The following COG5 variants were observed in gnomAD, a reference collection of about 807,000 sequenced individuals.
COG5 encodes the protein conserved oligomeric Golgi complex subunit 5.
COG5 carries 86 observed loss-of-function variants against 110.4 expected under a neutral mutation model. The ratio of observed to expected loss-of-function variants is 0.78; its 90% CI spans 0.65 to 0.93. The LOEUF (loss-of-function observed/expected upper bound fraction) is 0.93. COG5 is among the 40% of genes least tolerant of loss of function. The pLI is 0.00. For missense variants in COG5, 1,077 were observed against 987.0 expected (o/e 1.09, Z -1.22); for synonymous variants, 360 against 334.6 (o/e 1.08, Z -0.83).
At chr7:107,244,492 AAC>A (rs1801896125) in intron 17 of COG5, among the ~76,000 whole-genome samples, 2 of 152,218 alleles carry the variant, frequency 1.3e-5, no homozygotes, top group Admixed American at 1.3e-4. Context: ...AACTGAGGAA[AAC>A]AGAGACATGA....
chr7:107,447,554 GTA>G (rs1204131933), intron 6 of COG5, among the ~76,000 whole-genome samples: 2 of 152,158 alleles, frequency 1.3e-5, no homozygotes, highest in African/African-American at 4.8e-5. Context: ...AAGGTGTTCA[GTA>G]TATCACATAT....
chr7:107,422,416 A>G (rs1234656884), intron 6 of COG5, among the ~76,000 whole-genome samples: 2 of 152,132 alleles, frequency 1.3e-5, no homozygotes, highest in Non-Finnish European at 2.9e-5. Context: ...AATCCCAGCT[A>G]CTTGGGAGGC....
chr7:107,463,590 T>C (rs980303638), intron 6 of COG5, among the ~76,000 whole-genome samples: 1 of 152,206 alleles, frequency 6.6e-6, no homozygotes, highest in African/African-American at 2.4e-5. Flanking sequence ...AATAGTACAC[T>C]GAATAGGCCC....
intron 6 of COG5, among the ~76,000 whole-genome samples, chr7:107,525,274 A>C (rs1800650062): frequency 6.6e-6 from 1 of 151,920 alleles, no homozygotes; most frequent in Admixed American, 6.6e-5. Context: ...TTTGTATTAC[A>C]GAATCTGTCA....
rs530072276 is a variant in COG5 at position 107,563,867 on chromosome 7, T to C, written c.30A>G (p.Val10=). The change falls in exon 1 of 22, where the codon GTA becomes GTG. Residue 10 remains valine (V), a synonymous_variant. Coordinates refer to ENST00000297135, the MANE Select transcript of COG5 (RefSeq NM_006348.5). ...CAGAGCCTCGAGCTCCGAGGCCAGC[T>C]ACAGCGACGCTGCCGCCGCCACCTT... The part of the protein sequence containing the change: MEGGGGSVA[V]AGLGARGSGA... The C allele has an allele frequency of 3.7e-6, 6 of 1,613,626 alleles. No homozygotes were observed. The Admixed American group carries it at 8.3e-5, about 22-fold the overall frequency.
intron 10 of COG5, among the ~76,000 whole-genome samples, chr7:107,354,494 T>TG (rs1349075982): frequency 6.8e-4 from 104 of 152,270 alleles, no homozygotes; most frequent in Non-Finnish European, 1.4e-3. Context: ...CCTACCCATA[T>TG]GGTGAAACTC....
chr7:107,291,043 T>C (rs370193104), intron 12 of COG5, among the ~76,000 whole-genome samples: 2 of 152,326 alleles, frequency 1.3e-5, no homozygotes, highest in South Asian at 4.1e-4. Flanking sequence ...GTGGGTCTTT[T>C]TGCATTAATC....
intron 14 of COG5, among the ~76,000 whole-genome samples, chr7:107,267,611 T>C (rs1177974523): frequency 6.6e-6 from 1 of 152,204 alleles, no homozygotes; most frequent in Non-Finnish European, 1.5e-5. Context: ...GCTTCTTTGA[T>C]TTATAGTAAT....
chr7:107,319,070 T>C (rs972502842), intron 11 of COG5, among the ~76,000 whole-genome samples: 2 of 152,098 alleles, frequency 1.3e-5, no homozygotes, highest in South Asian at 4.1e-4. Flanking sequence ...CTGAATTATG[T>C]CTATGGCTGT....
At chr7:107,361,657 T>C (rs1209003138) in intron 10 of COG5, among the ~76,000 whole-genome samples, 2 of 151,760 alleles carry the variant, frequency 1.3e-5, no homozygotes, top group African/African-American at 4.8e-5. Flanking sequence ...TGCCTCCTGG[T>C]TTGAAGCAAT....
intron 11 of COG5, among the ~76,000 whole-genome samples, chr7:107,321,640 T>G (rs1015938764): frequency 6.6e-6 from 1 of 152,160 alleles, no homozygotes; most frequent in Non-Finnish European, 1.5e-5. Context: ...CAAATGATTT[T>G]CAACAAAAGT....
intron 17 of COG5, among the ~76,000 whole-genome samples, chr7:107,241,782 T>G (rs1226413118): frequency 6.6e-6 from 1 of 152,020 alleles, no homozygotes; most frequent in Non-Finnish European, 1.5e-5. Context: ...AAATAGAGAC[T>G]GATCTTTCCT....
At chr7:107,547,937 T>C in intron 5 of COG5, 174 bp downstream of exon 5, 1 of 625,654 alleles carries the variant, frequency 1.6e-6, no homozygotes, top group Non-Finnish European at 2.8e-6. Flanking sequence ...GAATTTGCTT[T>C]AGATTTGTAT....
intron 8 of COG5, among the ~76,000 whole-genome samples, chr7:107,365,997 A>G (rs546985704): frequency 1.3e-5 from 2 of 152,266 alleles, no homozygotes; most frequent in South Asian, 4.1e-4. Context: ...CAAAGCAACA[A>G]TAGACTTAAC....
intron 10 of COG5, among the ~76,000 whole-genome samples, chr7:107,339,990 T>C: frequency 6.6e-6 from 1 of 150,718 alleles, no homozygotes; most frequent in Non-Finnish European, 1.5e-5. Context: ...TAACTAACCC[T>C]AAAGCTAGCA....
intron 6 of COG5, among the ~76,000 whole-genome samples, chr7:107,415,714 G>A (rs1344738574): frequency 6.7e-6 from 1 of 149,756 alleles, no homozygotes; most frequent in Admixed American, 6.6e-5. Context: ...ACGTGTGCAT[G>A]AATGTATATA....
intron 6 of COG5, among the ~76,000 whole-genome samples, chr7:107,417,145 G>C (rs1792907124): frequency 6.6e-6 from 1 of 152,156 alleles, no homozygotes; most frequent in Admixed American, 6.6e-5. Context: ...ACCAACAAAA[G>C]TGGCTCCCTC....
chr7:107,416,266 T>A (rs940770893), intron 6 of COG5, among the ~76,000 whole-genome samples: 65 of 151,868 alleles, frequency 4.3e-4, no homozygotes, highest in African/African-American at 1.1e-3. Flanking sequence ...AAGAAAAAAA[T>A]TTTGTAATAT....
chr7:107,324,196 T>C (rs913283090), intron 11 of COG5, among the ~76,000 whole-genome samples: 1 of 152,130 alleles, frequency 6.6e-6, no homozygotes, highest in Non-Finnish European at 1.5e-5. Context: ...TAATAAGATA[T>C]TGACTTATTT....
Sources: allele counts gnomAD v4.1 joint callset (sites outside exome capture counted in the v4.1 genomes callset), GRCh38; gene constraint gnomAD v4.1.1; transcripts MANE v1.5; gene names NCBI Gene and HGNC (gene_info 2026-07-23, HGNC 2026-07-21).